LRP6: variants seen among roughly 807,000 people sequenced by gnomAD.
The protein encoded by LRP6 is LDL receptor related protein 6.
A neutral mutation model predicts 184.1 loss-of-function variants in LRP6; 43 were observed. The observed-to-expected ratio is 0.23, with a 90% CI of 0.18 to 0.30. The LOEUF (loss-of-function observed/expected upper bound fraction) is 0.30, where lower values mean the gene tolerates loss of function less well. LRP6 is among the 10% of genes least tolerant of loss of function. The pLI is 1.00. For missense variants in LRP6, 1,571 were observed against 2,005.3 expected, an observed-to-expected ratio of 0.78 and a Z score of 4.14; for synonymous variants, 719 against 684.9, an observed-to-expected ratio of 1.05 and a Z score of -0.78.
chr12:12,204,449 G>A (rs573807413), intron 2 of LRP6, among the ~76,000 whole-genome samples: 1 of 152,156 alleles, frequency 6.6e-6, no homozygotes, highest in South Asian at 2.1e-4. Flanking sequence ...GTGTCAAATT[G>A]CATAGTACTG....
Position 12,245,619 on chromosome 12 carries a change from T to C in LRP6, c.56-964A>G, listed in dbSNP as rs184606453. Among the ~76,000 whole-genome samples the C allele has an allele frequency of 5.7e-4, 87 of 152,308 alleles. 1 individual carries two copies. Among genetic ancestry groups the C allele is most frequent in the African/African-American group, 2.0e-3 (82 of 41,574 alleles). On this transcript the variant is annotated intron_variant, in intron 1 of 22. Coordinates refer to ENST00000261349, the MANE Select transcript of LRP6 (RefSeq NM_002336.3). ...TAAAACTGTTACAGTTTGACAGAAA[T>C]AGTTCTTAGTAAAGCTACTTTATTC...
At chr12:12,189,088 A>T (rs1185626668) in intron 3 of LRP6, among the ~76,000 whole-genome samples, 2 of 152,234 alleles carry the variant, frequency 1.3e-5, no homozygotes, top group African/African-American at 4.8e-5. Context: ...TACTGAACTA[A>T]ACATAGGAAA....
intron 14 of LRP6, among the ~76,000 whole-genome samples, 196 bp downstream of exon 14, chr12:12,148,746 G>A (rs1310759762): frequency 1.3e-5 from 2 of 152,130 alleles, no homozygotes; most frequent in Non-Finnish European, 2.9e-5. Flanking sequence ...TAGTGGCCCA[G>A]GAAAGAAAGT....
chr12:12,226,518 C>G (rs1224174242), intron 2 of LRP6, among the ~76,000 whole-genome samples: 1 of 152,124 alleles, frequency 6.6e-6, no homozygotes. Flanking sequence ...ACCAAAAACA[C>G]TATAACATAA....
At chr12:12,207,522 AT>A (rs1027900563) in intron 2 of LRP6, among the ~76,000 whole-genome samples, 3 of 151,968 alleles carry the variant, frequency 2.0e-5, no homozygotes, top group African/African-American at 7.3e-5. Context: ...CGTCAAAAAA[AT>A]AATAATAATA....
intron 1 of LRP6, chr12:12,248,949 G>T (rs539395628): frequency 4.3e-6 from 2 of 460,194 alleles, no homozygotes; most frequent in Admixed American, 3.5e-5. Context: ...CCAAATGACA[G>T]AGTATAAAAA....
rs564770647 is a variant in LRP6, at chr12:12,251,353, T to C, written c.56-6698A>G. Among the ~76,000 whole-genome samples, 10 of 151,932 alleles carry C rather than the reference T, an allele frequency of 6.6e-5. No homozygotes were observed. The South Asian group carries it at 1.3e-3, about 19-fold the overall frequency. On this transcript the variant is annotated intron_variant, in intron 1 of 22. Transcript: ENST00000261349. The stretch of plus-strand genomic sequence containing the variant: ...TAAAATGACGGATTTTCTTCAGTTA[T>C]TAGTTTGTCTTTTTGATTTTTGTTT...
intron 2 of LRP6, among the ~76,000 whole-genome samples, chr12:12,224,971 C>G (rs934045531): frequency 3.3e-5 from 5 of 152,038 alleles, no homozygotes; most frequent in Non-Finnish European, 2.9e-5. Context: ...TTAGGAGGCC[C>G]AGGCAGGCGG....
chr12:12,144,303 G>A (rs779884059), intron 15 of LRP6, among the ~76,000 whole-genome samples: 4 of 152,196 alleles, frequency 2.6e-5, no homozygotes, highest in Admixed American at 6.5e-5. Context: ...GCAGCAGTGG[G>A]ACAAAATTAA....
At chr12:12,145,038 T>C (rs1183958109) in intron 15 of LRP6, among the ~76,000 whole-genome samples, 1 of 152,084 alleles carries the variant, frequency 6.6e-6, no homozygotes, top group African/African-American at 2.4e-5. Flanking sequence ...ATTGTGCACA[T>C]GTATCCTAAA....
Position 12,120,806 on chromosome 12 carries a change from C to G in LRP6, c.*320G>C, listed in dbSNP as rs1466626972. 1 of 187,326 alleles carries G rather than the reference C, an allele frequency of 5.3e-6. No individual in the cohort carries two copies. Among genetic ancestry groups the G allele is most frequent in the African/African-American group, 2.4e-5 (1 of 42,534 alleles). The allele number at this position is 187,326 out of a possible 1,614,324, so 11.6% of individuals were successfully genotyped here. A position where few individuals can be genotyped will look rare whatever the true frequency, so the allele number is the denominator to read the frequency against. Reference sequence around the variant, plus strand: ...CTGGTCAGTGATGCCTTTATTATTCCTGTTTCCTTTGTACTCAGTTGCTTC... The same window carrying G: ...CTGGTCAGTGATGCCTTTATTATTCGTGTTTCCTTTGTACTCAGTTGCTTC... On this transcript the variant is annotated 3_prime_UTR_variant, in exon 23 of 23. Coordinates refer to ENST00000261349, the MANE Select transcript of LRP6 (RefSeq NM_002336.3).
chr12:12,176,521 A>G (rs1863187314), intron 7 of LRP6, among the ~76,000 whole-genome samples: 1 of 152,144 alleles, frequency 6.6e-6, no homozygotes, highest in Non-Finnish European at 1.5e-5. Flanking sequence ...GGTTAAATCT[A>G]TTCATTCTTT....
At chr12:12,242,397 A>G (rs964908599) in intron 2 of LRP6, among the ~76,000 whole-genome samples, 2 of 152,146 alleles carry the variant, frequency 1.3e-5, no homozygotes, top group African/African-American at 4.8e-5. Flanking sequence ...TTCAATCATC[A>G]CCCTTACAGT....
intron 3 of LRP6, among the ~76,000 whole-genome samples, chr12:12,197,161 A>C (rs1846625693): frequency 6.6e-6 from 1 of 152,202 alleles, no homozygotes; most frequent in Admixed American, 6.5e-5. Context: ...ATTTAAACAC[A>C]CTTCACAGGT....
At chr12:12,125,220 G>C (rs1239358475) in intron 21 of LRP6, 76 bp downstream of exon 21, 1 of 1,551,572 alleles carries the variant, frequency 6.4e-7, no homozygotes, top group East Asian at 2.2e-5. Flanking sequence ...TACTATCACT[G>C]ATCACCCACA....
In LRP6 at chr12:12,120,031, AT is replaced by A. The variant is rs1565519339; in HGVS notation, c.*1094del. 17 of 118,344 alleles carry A rather than the reference AT, an allele frequency of 1.4e-4. No homozygotes were observed. Among genetic ancestry groups the A allele is most frequent in the East Asian group, 2.6e-4 (1 of 3,888 alleles). The allele number at this position is 118,344 out of a possible 1,614,324, so 7.3% of individuals were successfully genotyped here. On this transcript the variant is annotated 3_prime_UTR_variant, in exon 23 of 23. Transcript: ENST00000261349. ...TATATATATATATATATATATATAT[AT>A]ATATATATATAAATGATTTCGTACT...
At chr12:12,218,476 C>CAATAATAATAATAAT (rs71435901) in intron 2 of LRP6, among the ~76,000 whole-genome samples, 1 of 140,016 alleles carries the variant, frequency 7.1e-6, no homozygotes, top group African/African-American at 2.7e-5. Context: ...GACCCTCTCT[C>CAATAATAATAATAAT]AATAATAATA....
chr12:12,183,965 A>G lies in LRP6; in HGVS notation c.976+15T>C, dbSNP rs763659451. 3.1e-6 allele frequency: 5 copies of G among 1,611,520 alleles called. No individual in the cohort carries two copies. The South Asian group carries it at 4.4e-5, about 14-fold the overall frequency. On this transcript the variant is annotated intron_variant, in intron 5 of 22. Transcript: ENST00000261349. The stretch of plus-strand genomic sequence containing the variant: ...ATAGTTATAAAATTTTTCATTTTGG[A>G]TAATATCTTCTTACCATCTTTGCAG...
intron 1 of LRP6, among the ~76,000 whole-genome samples, chr12:12,264,629 A>G (rs1412577556): frequency 6.6e-6 from 1 of 152,210 alleles, no homozygotes; most frequent in East Asian, 1.9e-4. Flanking sequence ...GCAACAAATC[A>G]ATCAGATTTT....
Sources: allele counts gnomAD v4.1 joint callset (sites outside exome capture counted in the v4.1 genomes callset), GRCh38; gene constraint gnomAD v4.1.1; transcripts MANE v1.5; gene names NCBI Gene and HGNC (gene_info 2026-07-23, HGNC 2026-07-21).